ZFYVE1: variants seen among roughly 807,000 people sequenced by gnomAD.
The protein encoded by ZFYVE1 is zinc finger FYVE domain-containing protein 1.
In ZFYVE1, 30 loss-of-function variants were observed where a neutral mutation model predicts 74.4. That is an observed-to-expected ratio of 0.40 (90% confidence interval 0.30 to 0.55). ZFYVE1 has a LOEUF of 0.55. ZFYVE1 is among the 20% of genes least tolerant of loss of function. The pLI is 0.42. For synonymous variants in ZFYVE1, 335 were observed against 385.1 expected (o/e 0.87, Z 1.52); for missense variants, 703 against 1,011.6 (o/e 0.69, Z 4.14).
At position 72,974,822 on chromosome 14, in the gene ZFYVE1, C is replaced by T. The variant is rs781408278; in HGVS notation, c.1944G>A (p.Val648=). Reference sequence around the variant, plus strand: ...CTTCGTAGCAGTTGTCACAGACCCGCACTGGCGCAGGGCCCCAGCCCCGCT... The same window carrying T: ...CTTCGTAGCAGTTGTCACAGACCCGTACTGGCGCAGGGCCCCAGCCCCGCT... The part of the protein sequence containing the change: ...VPERGWGPAP[V]RVCDNCYEAR... The change falls in exon 10 of 12, where the codon GTG becomes GTA. Residue 648 remains valine (V), a synonymous_variant. Transcript: ENST00000556143. 1.2e-5 allele frequency: 19 copies of T among 1,612,332 alleles called. No homozygotes were observed. The highest frequency in any genetic ancestry group is 1.6e-5 in the Non-Finnish European group (19 of 1,178,874).
Position 73,024,371 on chromosome 14 carries a change from C to T in ZFYVE1, c.138G>A (p.Glu46=). 1 of 1,614,192 alleles carries T rather than the reference C, an allele frequency of 6.2e-7. No individual in the cohort carries two copies. Among genetic ancestry groups the T allele is most frequent in the Non-Finnish European group, 8.5e-7 (1 of 1,180,046 alleles). The change falls in exon 2 of 12, where the codon GAG becomes GAA. Residue 46 remains glutamate (E), a synonymous_variant. Transcript: ENST00000556143. ...ECCSLQCLRC[E]EELHRQERLR... ...GGCGCTCCTGCCGATGGAGCTCCTC[C>T]TCGCAGCGGAGACACTGCAGACTGC...
Position 72,998,318 on chromosome 14 carries a change from G to GC in ZFYVE1, c.484-4dup. On this transcript the variant is annotated splice_region_variant and splice_polypyrimidine_tract_variant and intron_variant, in intron 2 of 11. Coordinates refer to ENST00000556143, the MANE Select transcript of ZFYVE1 (RefSeq NM_021260.4). ...ATAAAGTCTTCTTCATTTGTTACCT[G>GC]CAAAAAAAAAAAAAAAGACCATGAA... The GC allele has an allele frequency of 1.7e-6, 2 of 1,182,746 alleles. No individual in the cohort carries two copies. Among genetic ancestry groups the GC allele is most frequent in the South Asian group, 3.1e-5 (1 of 32,640 alleles). 73.3% of individuals were successfully genotyped at this position (1,182,746 alleles called of 1,614,324 possible). A position where few individuals can be genotyped will look rare whatever the true frequency, so the allele number is the denominator to read the frequency against.
intron 2 of ZFYVE1, among the ~76,000 whole-genome samples, chr14:73,005,098 G>A (rs1344474282): frequency 6.6e-6 from 1 of 151,992 alleles, no homozygotes; most frequent in African/African-American, 2.4e-5. Context: ...CACTTCTCTG[G>A]CACAGTTCTC....
intron 2 of ZFYVE1, among the ~76,000 whole-genome samples, chr14:73,004,463 T>C (rs1001824555): frequency 6.0e-5 from 9 of 150,962 alleles, no homozygotes; most frequent in Non-Finnish European, 8.9e-5. Flanking sequence ...TGATGTACTA[T>C]ATATATATAT....
chr14:73,019,219 G>A (rs1436526071), intron 2 of ZFYVE1, among the ~76,000 whole-genome samples: 1 of 152,040 alleles, frequency 6.6e-6, no homozygotes, highest in African/African-American at 2.4e-5. Context: ...AAAAATCTTA[G>A]GAGACTCTAG....
chr14:72,985,529 A>G (rs1270412429), intron 4 of ZFYVE1, among the ~76,000 whole-genome samples: 1 of 151,344 alleles, frequency 6.6e-6, no homozygotes, highest in Non-Finnish European at 1.5e-5. Context: ...ACAGGGTTTC[A>G]CCATGTTGGT....
intron 8 of ZFYVE1, among the ~76,000 whole-genome samples, chr14:72,976,558 G>A (rs1163364585): frequency 6.6e-6 from 1 of 152,118 alleles, no homozygotes; most frequent in Non-Finnish European, 1.5e-5. Context: ...GCCGAGGTAG[G>A]TGGATCACAA....
chr14:72,981,595 C>T (rs1355770589), intron 5 of ZFYVE1, among the ~76,000 whole-genome samples, 194 bp downstream of exon 5: 2 of 152,174 alleles, frequency 1.3e-5, no homozygotes, highest in African/African-American at 4.8e-5. Context: ...CTCTTGCTAC[C>T]TCAGAAGTGT....
intron 1 of ZFYVE1, among the ~76,000 whole-genome samples, chr14:73,025,172 G>A (rs1271627230): frequency 1.3e-5 from 2 of 151,216 alleles, no homozygotes; most frequent in South Asian, 2.1e-4. Context: ...GGGTTCAAGC[G>A]ATTCTCCTGC....
intron 2 of ZFYVE1, among the ~76,000 whole-genome samples, chr14:73,012,346 G>T (rs1200202971): frequency 6.6e-6 from 1 of 152,188 alleles, no homozygotes; most frequent in South Asian, 2.1e-4. Context: ...AAGGGGCCAG[G>T]TACGGTGCCT....
intron 2 of ZFYVE1, among the ~76,000 whole-genome samples, chr14:73,013,819 T>C (rs1460492061): frequency 3.3e-5 from 5 of 152,052 alleles, no homozygotes; most frequent in Admixed American, 1.3e-4. Context: ...ATGTGTTCGA[T>C]ACATTTAGCA....
intron 6 of ZFYVE1, 139 bp downstream of exon 6, chr14:72,978,722 G>A: frequency 1.5e-6 from 1 of 689,416 alleles, no homozygotes; most frequent in African/African-American, 1.8e-5. Flanking sequence ...TGTTAGAGCT[G>A]GAGAGAAGTT....
rs1021636283 is a variant in ZFYVE1 at position 73,009,966 on chromosome 14, G to T, written c.484-11651C>A. On this transcript the variant is annotated intron_variant, in intron 2 of 11. Coordinates refer to ENST00000556143, the MANE Select transcript of ZFYVE1 (RefSeq NM_021260.4). ...CTACAAAAATCAATCAGTTAGCTGGGCATGGTGGTACATGCCTGTAGTTCC... is the reference window on the plus strand; with the variant it reads ...CTACAAAAATCAATCAGTTAGCTGGTCATGGTGGTACATGCCTGTAGTTCC... Among the ~76,000 whole-genome samples, 5 of 152,024 alleles carry T rather than the reference G, an allele frequency of 3.3e-5. No individual in the cohort carries two copies. The South Asian group carries it at 8.3e-4, about 25-fold the overall frequency.
intron 8 of ZFYVE1, among the ~76,000 whole-genome samples, chr14:72,976,571 T>TC (rs1180895194): frequency 6.6e-6 from 1 of 151,520 alleles, no homozygotes; most frequent in East Asian, 1.9e-4. Context: ...GATCACAAGG[T>TC]CAAGAGATCG....
At position 72,972,649 on chromosome 14, in the gene ZFYVE1, C is replaced by G. The variant is rs561661764; in HGVS notation, c.2101+1431G>C. Reference sequence around the variant, plus strand: ...CTGGTTGATTTCCCTCCCTCTCCCCCTCGCCATCCTAAATACAAATACCCC... The same window carrying G: ...CTGGTTGATTTCCCTCCCTCTCCCCGTCGCCATCCTAAATACAAATACCCC... On this transcript the variant is annotated intron_variant, in intron 11 of 11. Transcript: ENST00000556143. Among the ~76,000 whole-genome samples, 1,354 of 152,284 alleles carry G rather than the reference C, an allele frequency of 8.9e-3. 9 individuals carry two copies. The highest frequency in any genetic ancestry group is 0.012 in the Non-Finnish European group (845 of 68,018).
chr14:72,999,850 A>G (rs1893832210), intron 2 of ZFYVE1, among the ~76,000 whole-genome samples: 2 of 152,210 alleles, frequency 1.3e-5, no homozygotes, highest in South Asian at 4.1e-4. Context: ...GCGTGAGGCC[A>G]GGAGTTCGAG....
At chr14:72,978,262 ATTG>A in intron 6 of ZFYVE1, 28 bp from the exon 7 acceptor site, 1 of 1,605,630 alleles carries the variant, frequency 6.2e-7, no homozygotes. Flanking sequence ...CTGCTAGCTT[ATTG>A]TTTGTTTTTT....
intron 5 of ZFYVE1, chr14:72,979,210 G>T: frequency 4.6e-6 from 2 of 430,234 alleles, no homozygotes; most frequent in Non-Finnish European, 4.3e-6. Context: ...AGGGGAAAAA[G>T]AAATCTCAGC....
chr14:72,986,904 C>T, intron 4 of ZFYVE1: 1 of 985,276 alleles, frequency 1.0e-6, no homozygotes, highest in Non-Finnish European at 1.2e-6. Flanking sequence ...CACATCATTC[C>T]ACAGTTTCTT....
Sources: gnomAD v4.1 joint callset for allele counts (sites outside exome capture counted in the v4.1 genomes callset) on GRCh38, gnomAD v4.1.1 for gene constraint, MANE v1.5 for transcripts, NCBI Gene and HGNC (gene_info 2026-07-23, HGNC 2026-07-21) for gene names.